RNF152: variants seen among roughly 807,000 people sequenced by gnomAD.
The protein encoded by RNF152 is ring finger protein 152.
RNF152 carries 11 observed loss-of-function variants against 12.7 expected under a neutral mutation model. The observed-to-expected ratio is 0.86, with a 90% CI of 0.54 to 1.43. The LOEUF is 1.43. Ranked by LOEUF, RNF152 falls within the 40% of genes most tolerant of loss-of-function variation. RNF152 has a pLI of 0.00. For synonymous variants in RNF152, 113 were observed against 120.3 expected, an observed-to-expected ratio of 0.94 and a Z score of 0.40; for missense variants, 255 against 274.8, an observed-to-expected ratio of 0.93 and a Z score of 0.51.
intron 1 of RNF152, among the ~76,000 whole-genome samples, chr18:61,863,270 T>A (rs1183588332): frequency 6.6e-6 from 1 of 151,774 alleles, no homozygotes; most frequent in Non-Finnish European, 1.5e-5. Flanking sequence ...CCATCTCTAC[T>A]AAAAATACAA....
At chr18:61,839,489 C>T (rs1400668788) in intron 1 of RNF152, among the ~76,000 whole-genome samples, 1 of 152,178 alleles carries the variant, frequency 6.6e-6, no homozygotes, top group African/African-American at 2.4e-5. Flanking sequence ...AGAGGATGAG[C>T]TATTACAGAA....
At chr18:61,883,358 C>T (rs990935405) in intron 1 of RNF152, among the ~76,000 whole-genome samples, 1 of 152,076 alleles carries the variant, frequency 6.6e-6, no homozygotes, top group Non-Finnish European at 1.5e-5. Flanking sequence ...GCCTAGATTC[C>T]TTGCCTTTAT....
At chr18:61,864,165 G>A (rs1355498131) in intron 1 of RNF152, among the ~76,000 whole-genome samples, 6 of 152,052 alleles carry the variant, frequency 3.9e-5, no homozygotes, top group South Asian at 2.1e-4. Context: ...CTAACTACCC[G>A]GAGTCACAGA....
chr18:61,878,186 C>T (rs1285117530), intron 1 of RNF152, among the ~76,000 whole-genome samples: 1 of 152,178 alleles, frequency 6.6e-6, no homozygotes, highest in East Asian at 1.9e-4. Context: ...GAGTGATTGT[C>T]AACTAGGGGT....
intron 1 of RNF152, among the ~76,000 whole-genome samples, chr18:61,844,143 T>TGAAAAA (rs1910629461): frequency 4.0e-5 from 2 of 49,940 alleles, no homozygotes; most frequent in African/African-American, 5.9e-5. Context: ...AGAAAGAAAT[T>TGAAAAA]AAGAGAAAAG....
chr18:61,864,929 A>G (rs1474843350), intron 1 of RNF152, among the ~76,000 whole-genome samples: 1 of 152,190 alleles, frequency 6.6e-6, no homozygotes. Context: ...CTGAGGCAGG[A>G]GAATCGCTTG....
chr18:61,876,064 ACCAGTC>A (rs1011160512), intron 1 of RNF152, among the ~76,000 whole-genome samples: 3 of 151,864 alleles, frequency 2.0e-5, no homozygotes, highest in African/African-American at 7.3e-5. Flanking sequence ...CTCCCATACT[ACCAGTC>A]CCAGTCATAA....
chr18:61,853,802 C>T (rs1216847039), intron 1 of RNF152, among the ~76,000 whole-genome samples: 1 of 152,152 alleles, frequency 6.6e-6, no homozygotes, highest in Non-Finnish European at 1.5e-5. Context: ...TAATCACTTC[C>T]TTGAAGTCCC....
At chr18:61,824,516 A>G (rs1909570871) in intron 1 of RNF152, among the ~76,000 whole-genome samples, 1 of 152,236 alleles carries the variant, frequency 6.6e-6, no homozygotes, top group Admixed American at 6.5e-5. Flanking sequence ...GGGCATATAA[A>G]CTACTTAGAA....
At chr18:61,872,829 C>T (rs1912050720) in intron 1 of RNF152, among the ~76,000 whole-genome samples, 1 of 152,168 alleles carries the variant, frequency 6.6e-6, no homozygotes, top group Non-Finnish European at 1.5e-5. Flanking sequence ...TACTAAAGTA[C>T]ACCATGACTG....
chr18:61,867,595 G>A (rs933156435), intron 1 of RNF152, among the ~76,000 whole-genome samples: 3 of 152,086 alleles, frequency 2.0e-5, no homozygotes, highest in Non-Finnish European at 4.4e-5. Context: ...TTTTAAGGAG[G>A]GAGAGCACCC....
intron 1 of RNF152, among the ~76,000 whole-genome samples, chr18:61,840,204 A>G (rs543223177): frequency 6.6e-6 from 1 of 152,318 alleles, no homozygotes; most frequent in African/African-American, 2.4e-5. Context: ...CCAGACACTG[A>G]ATCTGCCAGC....
chr18:61,824,860 A>G (rs1909584780), intron 1 of RNF152, among the ~76,000 whole-genome samples: 3 of 152,238 alleles, frequency 2.0e-5, no homozygotes, highest in Non-Finnish European at 4.4e-5. Context: ...GCTCATGGTC[A>G]TTAAAGCAGG....
chr18:61,848,427 A>T (rs1347082367), intron 1 of RNF152, among the ~76,000 whole-genome samples: 1 of 152,250 alleles, frequency 6.6e-6, no homozygotes, highest in Non-Finnish European at 1.5e-5. Context: ...AAAGAAAAAA[A>T]AATCAATACC....
chr18:61,851,195 C>G (rs766368488), intron 1 of RNF152, among the ~76,000 whole-genome samples: 1 of 152,082 alleles, frequency 6.6e-6, no homozygotes, highest in Non-Finnish European at 1.5e-5. Context: ...TGTACTCACC[C>G]CATCCCTCCC....
intron 1 of RNF152, among the ~76,000 whole-genome samples, chr18:61,816,844 T>C (rs1909123171): frequency 6.6e-6 from 1 of 152,218 alleles, no homozygotes; most frequent in South Asian, 2.1e-4. Context: ...CCAATAGTTG[T>C]AGACGATGCA....
At chr18:61,890,851 A>G (rs113286440) in intron 1 of RNF152, among the ~76,000 whole-genome samples, 6,755 of 152,288 alleles carry the variant, frequency 0.044, 215 homozygotes, top group Middle Eastern at 0.061. Context: ...ATTCAGCTAA[A>G]AAGACTACAA....
At chr18:61,818,148 C>T (rs181286250) in intron 1 of RNF152, among the ~76,000 whole-genome samples, 2 of 152,232 alleles carry the variant, frequency 1.3e-5, no homozygotes, top group Admixed American at 1.3e-4. Flanking sequence ...ACCTGGCCGG[C>T]GTGGGGGCTC....
intron 1 of RNF152, among the ~76,000 whole-genome samples, chr18:61,817,130 C>T (rs1451923881): frequency 6.6e-6 from 1 of 152,146 alleles, no homozygotes; most frequent in South Asian, 2.1e-4. Flanking sequence ...TAGGATTGTT[C>T]CTCTTCACAG....
Sources: gnomAD v4.1 joint callset for allele counts (sites outside exome capture counted in the v4.1 genomes callset) on GRCh38, gnomAD v4.1.1 for gene constraint, MANE v1.5 for transcripts, NCBI Gene and HGNC (gene_info 2026-07-23, HGNC 2026-07-21) for gene names.